CALCOCO2: variants seen among roughly 807,000 people sequenced by gnomAD.
The protein encoded by CALCOCO2 is calcium binding and coiled-coil domain 2.
CALCOCO2 carries 42 observed loss-of-function variants against 62.5 expected under a neutral mutation model. The observed-to-expected ratio is 0.67, with a 90% CI of 0.53 to 0.87. The LOEUF (loss-of-function observed/expected upper bound fraction) is 0.87, where lower values mean the gene tolerates loss of function less well. CALCOCO2 is among the 40% of genes least tolerant of loss of function. The probability of loss-of-function intolerance (pLI) is 0.00; values close to 1 mark genes in which losing one functional copy is unlikely to be tolerated. For missense variants in CALCOCO2, 456 were observed against 515.0 expected (o/e 0.89, Z 1.11); for synonymous variants, 167 against 173.0 (o/e 0.97, Z 0.27).
intron 2 of CALCOCO2, 129 bp downstream of exon 2, chr17:48,842,016 G>A: frequency 1.7e-6 from 1 of 583,082 alleles, no homozygotes; most frequent in Non-Finnish European, 2.9e-6. Flanking sequence ...TTCTAGCCAA[G>A]CTCCACAGCA....
At chr17:48,862,475 T>C (rs2040343255) in intron 12 of CALCOCO2, among the ~76,000 whole-genome samples, 171 bp downstream of exon 12, 2 of 152,206 alleles carry the variant, frequency 1.3e-5, no homozygotes, top group Non-Finnish European at 1.5e-5. Context: ...GGAAGGGAGA[T>C]GAAAGCACAG....
At chr17:48,858,467 T>G (rs747792372) in intron 10 of CALCOCO2, among the ~76,000 whole-genome samples, 5 of 151,972 alleles carry the variant, frequency 3.3e-5, no homozygotes, top group Admixed American at 2.0e-4. Flanking sequence ...GTAGCTAGGA[T>G]TGCAGGTGCG....
intron 9 of CALCOCO2, among the ~76,000 whole-genome samples, chr17:48,854,396 ATTTTTTTTTTTTTT>A (rs1226127478): frequency 5.2e-4 from 1 of 1,910 alleles, no homozygotes; most frequent in African/African-American, 8.3e-4. Flanking sequence ...ATATATATAT[ATTTTTTTTTTTTTT>A]TTTTTTTTTT....
At chr17:48,842,406 C>T (rs2039987389) in intron 2 of CALCOCO2, 1 of 152,316 alleles carries the variant, frequency 6.6e-6, no homozygotes, top group African/African-American at 2.4e-5. Flanking sequence ...CTGCCTGCCT[C>T]AGCCTCCCAA....
chr17:48,837,258 A>G (rs1214093697), intron 1 of CALCOCO2, among the ~76,000 whole-genome samples: 2 of 152,214 alleles, frequency 1.3e-5, no homozygotes, highest in African/African-American at 4.8e-5. Flanking sequence ...CTCTCATAGC[A>G]TCCAAGAGAA....
In CALCOCO2 at chr17:48,854,407, T is replaced by A. The variant is rs1394238076; in HGVS notation, c.912+1395T>A. 2.1e-3 allele frequency among the ~76,000 whole-genome samples: 67 copies of A among 31,548 alleles called. 4 individuals carry two copies. The East Asian group carries it at 0.022, about 10-fold the overall frequency. 20.7% of individuals were successfully genotyped at this position (31,548 alleles called of 152,430 possible). ...TTATATATATATATATTTTTTTTTTTTTTTTTTTTTTTTTTTTTGAGACAG... is the reference window on the plus strand; with the variant it reads ...TTATATATATATATATTTTTTTTTTATTTTTTTTTTTTTTTTTTGAGACAG... On this transcript the variant is annotated intron_variant, in intron 9 of 12. Coordinates refer to ENST00000258947, the MANE Select transcript of CALCOCO2 (RefSeq NM_005831.5).
intron 9 of CALCOCO2, among the ~76,000 whole-genome samples, chr17:48,855,501 G>C (rs1267290931): frequency 6.6e-6 from 1 of 152,190 alleles, no homozygotes; most frequent in African/African-American, 2.4e-5. Flanking sequence ...TATGTATGCA[G>C]GTAGAAGATG....
chr17:48,847,758 C>T, intron 2 of CALCOCO2: 1 of 195,774 alleles, frequency 5.1e-6, no homozygotes. Flanking sequence ...TGGGTTCAAG[C>T]AATTCTCCTG....
At chr17:48,848,033 G>T (rs1296362072) in intron 2 of CALCOCO2, 31 bp from the exon 3 acceptor site, 1 of 1,230,836 alleles carries the variant, frequency 8.1e-7, no homozygotes, top group Non-Finnish European at 1.2e-6. Context: ...TCCCCTTTCA[G>T]GTACTAAATA....
chr17:48,846,181 G>C lies in CALCOCO2; in HGVS notation c.181-1883G>C. On this transcript the variant is annotated intron_variant, in intron 2 of 12. Coordinates refer to ENST00000258947, the MANE Select transcript of CALCOCO2 (RefSeq NM_005831.5). The stretch of plus-strand genomic sequence containing the variant: ...AGACAGAGTCTTGCTCTGTCACCCA[G>C]GCTGGAGTGCAGAGGTGCAATCTGG... 5.7e-6 allele frequency: 4 copies of C among 697,800 alleles called. No homozygotes were observed. In the East Asian group the frequency reaches 1.2e-4, roughly 20 times the overall value. The allele number at this position is 697,800 out of a possible 1,614,324, so 43.2% of individuals were successfully genotyped here.
chr17:48,844,039 A>G (rs2040012454), intron 2 of CALCOCO2: 3 of 152,164 alleles, frequency 2.0e-5, no homozygotes. Context: ...ATGTGCCACC[A>G]CGCCTGGCTA....
At chr17:48,855,548 A>G (rs1402105027) in intron 9 of CALCOCO2, among the ~76,000 whole-genome samples, 1 of 152,162 alleles carries the variant, frequency 6.6e-6, no homozygotes, top group Non-Finnish European at 1.5e-5. Flanking sequence ...AGGTCAACCC[A>G]TCACACTGGG....
Position 48,831,043 on chromosome 17 carries a change from CTGT to C in CALCOCO2, c.-43_-41del, listed in dbSNP as rs1039738340. The C allele has an allele frequency of 1.3e-5, 2 of 152,588 alleles. No homozygotes were observed. The highest frequency in any genetic ancestry group is 4.8e-5 in the African/African-American group (2 of 41,444). 9.5% of individuals were successfully genotyped at this position (152,588 alleles called of 1,614,324 possible). ...AGCCCCGCCCCCGTCCCACTCTGCC[CTGT>C]TGCTGTCGCGCCGCTGCTGGTTGCT... is the stretch of plus-strand genomic sequence containing the variant. On this transcript the variant is annotated 5_prime_UTR_variant, in exon 1 of 13. Coordinates refer to ENST00000258947, the MANE Select transcript of CALCOCO2 (RefSeq NM_005831.5).
At chr17:48,850,585 T>C (rs1005127199) in intron 5 of CALCOCO2, among the ~76,000 whole-genome samples, 15 of 152,248 alleles carry the variant, frequency 9.9e-5, no homozygotes, top group African/African-American at 3.6e-4. Context: ...CTCTCACTTA[T>C]TGAACAGCGC....
At chr17:48,862,148 G>A in intron 11 of CALCOCO2, 128 bp from the exon 12 acceptor site, 1 of 752,890 alleles carries the variant, frequency 1.3e-6, no homozygotes, top group South Asian at 1.4e-5. Context: ...ATATATGAGA[G>A]AGAAAGAATC....
intron 2 of CALCOCO2, chr17:48,847,810 C>T (rs1300650976): frequency 1.9e-5 from 6 of 308,788 alleles, no homozygotes; most frequent in Non-Finnish European, 3.7e-5. Context: ...CGCACACCAC[C>T]GTGCCAACTT....
chr17:48,855,173 C>A (rs190879690), intron 9 of CALCOCO2, among the ~76,000 whole-genome samples: 30 of 152,196 alleles, frequency 2.0e-4, no homozygotes, highest in Non-Finnish European at 3.5e-4. Context: ...AAATACTGGC[C>A]CCAACTTAGC....
At chr17:48,838,162 C>T (rs1432525054) in intron 1 of CALCOCO2, among the ~76,000 whole-genome samples, 1 of 151,628 alleles carries the variant, frequency 6.6e-6, no homozygotes, top group Non-Finnish European at 1.5e-5. Context: ...GTGAGAGGGT[C>T]GTGATCAATT....
intron 2 of CALCOCO2, among the ~76,000 whole-genome samples, chr17:48,845,304 C>G (rs1260117364): frequency 7.0e-6 from 1 of 142,348 alleles, no homozygotes; most frequent in Non-Finnish European, 1.5e-5. Context: ...ACACACTATG[C>G]TAGGCCTATG....
Sources: allele counts gnomAD v4.1 joint callset (sites outside exome capture counted in the v4.1 genomes callset), GRCh38; gene constraint gnomAD v4.1.1; transcripts MANE v1.5; gene names NCBI Gene and HGNC (gene_info 2026-07-23, HGNC 2026-07-21).